The following CELF2 variants were observed in gnomAD, a reference collection of about 807,000 sequenced individuals.
CELF2 encodes CUGBP Elav-like family member 2.
In CELF2, 8 loss-of-function variants were observed where a neutral mutation model predicts 62.6. That is an observed-to-expected ratio of 0.13 (90% confidence interval 0.07 to 0.23). The LOEUF is 0.23. Among genes scored for constraint, CELF2 ranks in the 10% least tolerant of loss-of-function variants. The probability of loss-of-function intolerance (pLI) is 1.00; values close to 1 mark genes in which losing one functional copy is unlikely to be tolerated. For missense variants in CELF2, 333 were observed against 671.0 expected (o/e 0.50, Z 5.56); for synonymous variants, 258 against 250.0 (o/e 1.03, Z -0.30).
intron 4 of CELF2, 172 bp from the exon 5 acceptor site, chr10:11,257,566 G>T: frequency 1.7e-6 from 1 of 605,262 alleles, no homozygotes; most frequent in Non-Finnish European, 2.9e-6. Context: ...GGGAGGGAGT[G>T]GCAGGGTGGG....
chr10:10,534,895 C>G, the CELF2 span, among the ~76,000 whole-genome samples: 1 of 152,140 alleles, frequency 6.6e-6, no homozygotes, highest in South Asian at 2.1e-4. Flanking sequence ...TAAGGATCTT[C>G]TTTACAAACA....
chr10:11,330,108 T>TGTTTGTATCTGTCTGATTA lies in CELF2; in HGVS notation c.*1056_*1074dup, dbSNP rs1244647549. 6.6e-6 allele frequency: 1 copy of TGTTTGTATCTGTCTGATTA among 152,588 alleles called. No homozygotes were observed. Among genetic ancestry groups the TGTTTGTATCTGTCTGATTA allele is most frequent in the Non-Finnish European group, 1.5e-5 (1 of 68,036 alleles). 9.5% of individuals were successfully genotyped at this position (152,588 alleles called of 1,614,324 possible). On this transcript the variant is annotated 3_prime_UTR_variant, in exon 13 of 13. Transcript: ENST00000633077. The surrounding 1 kb of genome is among the most constrained non-coding windows in gnomAD (Gnocchi z 4.5). The stretch of plus-strand genomic sequence containing the variant: ...TGAAGTTCATGCTTTATCCTCTCGT[T>TGTTTGTATCTGTCTGATTA]GTTTGTATCTGTCTGATTATTTTGT...
At chr10:10,872,321 A>C (rs572711480) in intron 1 of CELF2, among the ~76,000 whole-genome samples, 1 of 152,332 alleles carries the variant, frequency 6.6e-6, no homozygotes, top group South Asian at 2.1e-4. Flanking sequence ...TGAGGAAATG[A>C]TCTCAACAAA....
chr10:10,961,119 T>C (rs1046223435), intron 2 of CELF2, among the ~76,000 whole-genome samples: 2 of 152,186 alleles, frequency 1.3e-5, no homozygotes, highest in African/African-American at 2.4e-5. Context: ...AAAGAATTAA[T>C]TTGAAATTGG....
At chr10:10,508,714 T>C in the CELF2 span, among the ~76,000 whole-genome samples, 1 of 149,498 alleles carries the variant, frequency 6.7e-6, no homozygotes, top group African/African-American at 2.5e-5. Context: ...GTATATTTTT[T>C]TTTTTGAGAT....
intron 1 of CELF2, among the ~76,000 whole-genome samples, chr10:10,912,014 G>T (rs895992670): frequency 6.6e-6 from 1 of 152,216 alleles, no homozygotes; most frequent in Admixed American, 6.5e-5. Context: ...ACAAACACAG[G>T]CTGCCCTTCT....
At chr10:10,698,109 C>G in the CELF2 span, among the ~76,000 whole-genome samples, 1 of 152,176 alleles carries the variant, frequency 6.6e-6, no homozygotes, top group African/African-American at 2.4e-5. Flanking sequence ...ACCTTCAGAC[C>G]TTAGCAGGTG....
the CELF2 span, among the ~76,000 whole-genome samples, chr10:10,669,489 C>A: frequency 1.3e-5 from 2 of 152,188 alleles, no homozygotes; most frequent in African/African-American, 2.4e-5. Flanking sequence ...TTGTCAGAAG[C>A]TAACTGGCAT....
the CELF2 span, among the ~76,000 whole-genome samples, chr10:10,753,782 C>T: frequency 2.0e-5 from 3 of 152,166 alleles, no homozygotes; most frequent in Non-Finnish European, 2.9e-5. Context: ...AAAGTTTATG[C>T]ATTGAACTAT....
the CELF2 span, among the ~76,000 whole-genome samples, chr10:10,721,933 C>T: frequency 2.0e-5 from 3 of 152,148 alleles, no homozygotes; most frequent in African/African-American, 7.2e-5. Flanking sequence ...GGTCATGAAA[C>T]CTATTATGCC....
the CELF2 span, among the ~76,000 whole-genome samples, chr10:10,584,198 A>C: frequency 6.6e-6 from 1 of 152,212 alleles, no homozygotes; most frequent in Non-Finnish European, 1.5e-5. Context: ...ATTTTGACTG[A>C]ATTAAATTTA....
At chr10:10,862,352 C>G (rs1181078764) in intron 1 of CELF2, among the ~76,000 whole-genome samples, 1 of 152,154 alleles carries the variant, frequency 6.6e-6, no homozygotes, top group Non-Finnish European at 1.5e-5. Context: ...TCTGAAGGCT[C>G]TACTGGGGTG....
chr10:11,082,261 C>T (rs1452833775), intron 1 of CELF2, among the ~76,000 whole-genome samples: 2 of 152,208 alleles, frequency 1.3e-5, no homozygotes, highest in Non-Finnish European at 2.9e-5. Context: ...CTCCTTCCAA[C>T]AGAGGATCCT....
the CELF2 span, among the ~76,000 whole-genome samples, chr10:10,474,387 G>A: frequency 1.3e-5 from 2 of 151,992 alleles, no homozygotes; most frequent in Non-Finnish European, 2.9e-5. Flanking sequence ...AAAAAGAGAA[G>A]TCACCCAATC....
the CELF2 span, among the ~76,000 whole-genome samples, chr10:10,683,429 G>A: frequency 2.6e-5 from 4 of 152,152 alleles, no homozygotes; most frequent in South Asian, 8.3e-4. Context: ...TTTCAATACG[G>A]TCCATCTTTC....
the CELF2 span, among the ~76,000 whole-genome samples, chr10:10,607,367 C>T: frequency 2.0e-5 from 3 of 152,258 alleles, no homozygotes; most frequent in African/African-American, 7.2e-5. Flanking sequence ...AAAACGCCTG[C>T]CATAGGAATT....
At chr10:11,281,109 A>G (rs2088503296) in intron 8 of CELF2, among the ~76,000 whole-genome samples, 1 of 151,630 alleles carries the variant, frequency 6.6e-6, no homozygotes, top group Admixed American at 6.6e-5. Flanking sequence ...GGCCCAAGTC[A>G]CTGCCCCACC....
At chr10:10,969,873 G>A (rs888982386) in intron 2 of CELF2, among the ~76,000 whole-genome samples, 9 of 152,078 alleles carry the variant, frequency 5.9e-5, no homozygotes, top group African/African-American at 1.9e-4. Flanking sequence ...GGGTGGTGCT[G>A]GTGTCATAGT....
chr10:11,099,107 T>C (rs1453265579), intron 1 of CELF2, among the ~76,000 whole-genome samples: 1 of 152,160 alleles, frequency 6.6e-6, no homozygotes, highest in Non-Finnish European at 1.5e-5. Context: ...ACCAGCAAAA[T>C]ACGTGAATCA....
Sources: allele counts gnomAD v4.1 joint callset (sites outside exome capture counted in the v4.1 genomes callset), GRCh38; gene constraint gnomAD v4.1.1; non-coding constraint Gnocchi (gnomAD v3.1); transcripts MANE v1.5; gene names NCBI Gene and HGNC (gene_info 2026-07-23, HGNC 2026-07-21).